Variants in NUP210 observed in about 807,000 individuals in gnomAD.
NUP210 encodes nuclear pore membrane glycoprotein 210.
Under a neutral mutation model 196.0 loss-of-function variants are expected in NUP210, and 151 were observed. The observed-to-expected ratio is 0.77, with a 90% CI of 0.67 to 0.88. NUP210 has a LOEUF of 0.88. NUP210 is among the 40% of genes least tolerant of loss of function. NUP210 has a pLI of 0.00. For synonymous variants in NUP210, 1,070 were observed against 1,052.7 expected, an observed-to-expected ratio of 1.02 and a Z score of -0.32; for missense variants, 2,314 against 2,493.7, an observed-to-expected ratio of 0.93 and a Z score of 1.53.
rs1334733555 is a variant in NUP210 at position 13,379,602 on chromosome 3, G to C, written c.937C>G (p.Leu313Val). 3 of 1,614,042 alleles carry C rather than the reference G, an allele frequency of 1.9e-6. No homozygotes were observed. Among genetic ancestry groups the C allele is most frequent in the Admixed American group, 1.7e-5 (1 of 60,012 alleles). ...ACGAGGCTGCTCTGTCCCAGCTGCA[G>C]TGCAGTGACCATCGACGTGTCCTGG... ...LAQDTSMVTA[L>V]QLGQSSLVLG... The change falls in exon 7 of 40, where the codon CTG becomes GTG. Residue 313 changes from leucine (L) to valine (V), a missense_variant. By Grantham distance (32) the Leu-to-Val change is conservative (BLOSUM62 1). Coordinates refer to ENST00000254508, the MANE Select transcript of NUP210 (RefSeq NM_024923.4). This position sits in a 1 kb window ranked among gnomAD's most constrained non-coding sequence, Gnocchi z 4.2.
intron 31 of NUP210, among the ~76,000 whole-genome samples, chr3:13,328,192 T>C (rs994948460): frequency 1.3e-5 from 2 of 152,234 alleles, no homozygotes; most frequent in African/African-American, 4.8e-5. Flanking sequence ...ATGGCAATTA[T>C]GTGCGCACAC....
Position 13,351,979 on chromosome 3 carries a change from GC to G in NUP210, c.2734del (p.Ala912GlnfsTer46), listed in dbSNP as rs1697990969. 2 of 1,610,000 alleles carry G rather than the reference GC, an allele frequency of 1.2e-6. No homozygotes were observed. The highest frequency in any genetic ancestry group is 1.7e-6 in the Non-Finnish European group (2 of 1,176,906). ...TGAGCCTTCCCTGATGCGGAGCTCT[GC>G]CTGCAGGAGGCAGATGCAGGGAGGG... ...VTIYNHPGIQ[A>X]ELRIREGSGY... On this transcript the variant is annotated frameshift_variant and splice_region_variant, in exon 20 of 40. Coordinates refer to ENST00000254508, the MANE Select transcript of NUP210 (RefSeq NM_024923.4). LOFTEE classifies it high-confidence loss of function.
At chr3:13,418,964 AAAAAAAAAAG>A (rs1441416531) in intron 1 of NUP210, among the ~76,000 whole-genome samples, 8 of 149,472 alleles carry the variant, frequency 5.4e-5, no homozygotes, top group African/African-American at 1.2e-4. Context: ...AAAAAAAAAA[AAAAAAAAAAG>A]AAAGAAAGAA....
chr3:13,399,737 C>A lies in NUP210; in HGVS notation c.292G>T (p.Ala98Ser), dbSNP rs201239438. 61 of 1,614,126 alleles carry A rather than the reference C, an allele frequency of 3.8e-5. No homozygotes were observed. In the Admixed American group the frequency reaches 9.7e-4, roughly 26 times the overall value. The change falls in exon 2 of 40, where the codon GCA becomes TCA. Residue 98 changes from alanine (A) to serine (S), a missense_variant. Coordinates refer to ENST00000254508, the MANE Select transcript of NUP210 (RefSeq NM_024923.4). Reference protein sequence around the residue: ...QPARLTSIIFAEDITTGQVLR... With the variant: ...QPARLTSIIFSEDITTGQVLR... ...ACTCAGCCCTTACTGATGTCCTCTG[C>A]GAAGATGATGCTGGTGAGGCGGGCA...
intron 2 of NUP210, among the ~76,000 whole-genome samples, chr3:13,399,168 A>G (rs1462655651): frequency 6.7e-6 from 1 of 149,610 alleles, no homozygotes; most frequent in Non-Finnish European, 1.5e-5. Context: ...CGGGAGGCTG[A>G]GGCAGGAGAA....
chr3:13,397,907 A>G (rs554262660), intron 2 of NUP210, among the ~76,000 whole-genome samples: 1 of 152,352 alleles, frequency 6.6e-6, no homozygotes, highest in Admixed American at 6.5e-5. Context: ...TGGTGTTTTT[A>G]TAAAAGACTA....
chr3:13,401,893 A>T (rs9813572), intron 1 of NUP210, among the ~76,000 whole-genome samples: 34,111 of 139,436 alleles, frequency 0.24, 6,092 homozygotes, highest in African/African-American at 0.53. Context: ...AAACTGCTTT[A>T]AAAAAAAAAA....
intron 14 of NUP210, among the ~76,000 whole-genome samples, chr3:13,361,061 T>C (rs1309028176): frequency 6.6e-6 from 1 of 152,172 alleles, no homozygotes; most frequent in Non-Finnish European, 1.5e-5. Flanking sequence ...GTAAAAAGCA[T>C]AAAACCATCC....
intron 4 of NUP210, among the ~76,000 whole-genome samples, chr3:13,389,705 A>G (rs1286761550): frequency 6.6e-6 from 1 of 152,176 alleles, no homozygotes; most frequent in Non-Finnish European, 1.5e-5. Flanking sequence ...CAGAGGAACC[A>G]CCACATCCCC....
chr3:13,370,989 C>G (rs535109773), intron 13 of NUP210, among the ~76,000 whole-genome samples: 1 of 152,244 alleles, frequency 6.6e-6, no homozygotes, highest in East Asian at 1.9e-4. Context: ...ACAGGCACCA[C>G]GGACTGCCCA....
chr3:13,363,319 C>T (rs1487831606), intron 14 of NUP210, among the ~76,000 whole-genome samples: 1 of 152,236 alleles, frequency 6.6e-6, no homozygotes, highest in African/African-American at 2.4e-5. Flanking sequence ...CTCTTACCCA[C>T]ATCTCATGGC....
chr3:13,381,044 T>C (rs184063854), intron 6 of NUP210, among the ~76,000 whole-genome samples: 33 of 152,346 alleles, frequency 2.2e-4, no homozygotes, highest in Non-Finnish European at 4.0e-4. Flanking sequence ...GTGATTCTGA[T>C]GTAGGCTAGA....
chr3:13,370,707 G>A (rs563696825), intron 13 of NUP210, among the ~76,000 whole-genome samples: 29 of 152,360 alleles, frequency 1.9e-4, no homozygotes, highest in African/African-American at 7.0e-4. Context: ...AGTATGCTCA[G>A]GGATTTTTCA....
chr3:13,408,190 T>C (rs1288491611), intron 1 of NUP210, among the ~76,000 whole-genome samples: 2 of 152,236 alleles, frequency 1.3e-5, no homozygotes, highest in Admixed American at 1.3e-4. Context: ...TTTAAAAATA[T>C]TGAACCAACC....
chr3:13,400,374 T>C (rs1699794850), intron 1 of NUP210, among the ~76,000 whole-genome samples: 1 of 152,008 alleles, frequency 6.6e-6, no homozygotes, highest in African/African-American at 2.4e-5. Flanking sequence ...AACACAACCA[T>C]GAGCTCCCAG....
chr3:13,360,923 A>G (rs1321366995), intron 14 of NUP210, among the ~76,000 whole-genome samples: 1 of 152,252 alleles, frequency 6.6e-6, no homozygotes, highest in Admixed American at 6.5e-5. Flanking sequence ...AATCCAGCAC[A>G]AGGGGCTCAG....
rs1385187111 is a variant in NUP210, at chr3:13,399,372, T to G, written c.304+353A>C. On this transcript the variant is annotated intron_variant, in intron 2 of 39. Transcript: ENST00000254508. ...AAATTATATTGTTGTTGTCAAACTA[T>G]TTTACAACTAATATAATAAATTAGA... 2.0e-5 allele frequency among the ~76,000 whole-genome samples: 3 copies of G among 152,210 alleles called. No homozygotes were observed. In the East Asian group the frequency reaches 5.8e-4, roughly 29 times the overall value.
chr3:13,391,539 G>A (rs1699493048), intron 3 of NUP210, among the ~76,000 whole-genome samples: 1 of 151,330 alleles, frequency 6.6e-6, no homozygotes, highest in Non-Finnish European at 1.5e-5. Context: ...ACCTAGGGCT[G>A]TCCGATGAAA....
rs574707282 is a variant in NUP210 at position 13,341,988 on chromosome 3, G to A, written c.3092+8C>T. On this transcript the variant is annotated splice_region_variant and intron_variant, in intron 22 of 39. Coordinates refer to ENST00000254508, the MANE Select transcript of NUP210 (RefSeq NM_024923.4). ...AGGTGCCCTCCTCTGACCCCTAGGA[G>A]AACTCACACCAATGTAATGATCGGG... 6.2e-7 allele frequency: 1 copy of A among 1,614,104 alleles called. No homozygotes were observed. The highest frequency in any genetic ancestry group is 1.3e-5 in the African/African-American group (1 of 75,048).
Sources: allele counts gnomAD v4.1 joint callset (sites outside exome capture counted in the v4.1 genomes callset), GRCh38; gene constraint gnomAD v4.1.1; non-coding constraint Gnocchi (gnomAD v3.1); transcripts MANE v1.5; gene names NCBI Gene and HGNC (gene_info 2026-07-23, HGNC 2026-07-21).